The following SHISA6 variants were observed in gnomAD, a reference collection of about 807,000 sequenced individuals.
SHISA6 encodes the protein protein shisa-6.
In SHISA6, 22 loss-of-function variants were observed where a neutral mutation model predicts 47.9. The ratio of observed to expected loss-of-function variants is 0.46; its 90% CI spans 0.33 to 0.66. The LOEUF (loss-of-function observed/expected upper bound fraction) is 0.66, where lower values mean the gene tolerates loss of function less well. Ranked by LOEUF, SHISA6 falls within the 30% of genes least tolerant of loss-of-function variation. The pLI is 0.02. For missense variants in SHISA6, 680 were observed against 764.6 expected (o/e 0.89, Z 1.30); for synonymous variants, 388 against 337.8 (o/e 1.15, Z -1.63).
chr17:11,347,841 CAG>C (rs1475330695), intron 2 of SHISA6, among the ~76,000 whole-genome samples: 1 of 152,148 alleles, frequency 6.6e-6, no homozygotes, highest in East Asian at 1.9e-4. Flanking sequence ...TGAGGTCACT[CAG>C]AGCTGCATCT....
chr17:11,523,963 C>G (rs1292259899), intron 3 of SHISA6, among the ~76,000 whole-genome samples: 1 of 150,744 alleles, frequency 6.6e-6, no homozygotes, highest in Admixed American at 6.6e-5. Flanking sequence ...CCGAGAAACA[C>G]GCCATTGCAC....
At chr17:11,326,541 C>T (rs911149759) in intron 2 of SHISA6, among the ~76,000 whole-genome samples, 7 of 152,276 alleles carry the variant, frequency 4.6e-5, no homozygotes, top group Admixed American at 4.6e-4. Context: ...GGGCCAAGCT[C>T]ATTTACTCAA....
intron 3 of SHISA6, among the ~76,000 whole-genome samples, chr17:11,425,249 C>CT (rs1279331127): frequency 6.6e-6 from 1 of 151,380 alleles, no homozygotes; most frequent in East Asian, 2.0e-4. Flanking sequence ...GGAAACAAAC[C>CT]AGAAAGGTTT....
At chr17:11,520,781 T>C (rs2071623145) in intron 3 of SHISA6, among the ~76,000 whole-genome samples, 1 of 152,178 alleles carries the variant, frequency 6.6e-6, no homozygotes, top group African/African-American at 2.4e-5. Flanking sequence ...CAGAGAAAAC[T>C]ACCTCGATCA....
At chr17:11,415,351 G>A (rs939038517) in intron 3 of SHISA6, among the ~76,000 whole-genome samples, 4 of 152,088 alleles carry the variant, frequency 2.6e-5, no homozygotes, top group Non-Finnish European at 4.4e-5. Flanking sequence ...TCAAACCCCT[G>A]CTTCTGACCA....
chr17:11,270,970 A>G (rs1908622609), intron 2 of SHISA6, among the ~76,000 whole-genome samples: 1 of 152,136 alleles, frequency 6.6e-6, no homozygotes, highest in Admixed American at 6.5e-5. Flanking sequence ...TAGCTGGTTG[A>G]ACCAGGGTTC....
At chr17:11,242,236 T>A (rs910636855) in intron 1 of SHISA6, among the ~76,000 whole-genome samples, 176 bp downstream of exon 1, 1 of 152,170 alleles carries the variant, frequency 6.6e-6, no homozygotes, top group African/African-American at 2.4e-5. Flanking sequence ...CCTCCTCCAT[T>A]TCTTCAGAAC....
At chr17:11,273,443 T>G (rs1353639598) in intron 2 of SHISA6, among the ~76,000 whole-genome samples, 1 of 152,228 alleles carries the variant, frequency 6.6e-6, no homozygotes, top group African/African-American at 2.4e-5. Flanking sequence ...TGTGAGCCCC[T>G]CTGCTCCAGG....
intron 3 of SHISA6, among the ~76,000 whole-genome samples, chr17:11,437,093 G>C (rs1230200021): frequency 9.2e-5 from 14 of 152,216 alleles, no homozygotes. Flanking sequence ...GGAGATGCAA[G>C]AGTGAGAAGG....
chr17:11,308,725 T>C (rs192788002), intron 2 of SHISA6, among the ~76,000 whole-genome samples: 2 of 152,332 alleles, frequency 1.3e-5, no homozygotes, highest in Non-Finnish European at 2.9e-5. Context: ...ATACTTGAGT[T>C]CTGTTGGGTA....
At chr17:11,261,167 C>T (rs990265637) in intron 1 of SHISA6, among the ~76,000 whole-genome samples, 3 of 152,076 alleles carry the variant, frequency 2.0e-5, no homozygotes, top group Admixed American at 2.0e-4. Flanking sequence ...GGGACTCACT[C>T]TTAAGGCCAC....
In SHISA6 at chr17:11,550,123, C is replaced by T. The variant is rs148841162; in HGVS notation, c.896-1773C>T. On this transcript the variant is annotated intron_variant, in intron 3 of 5. Coordinates refer to ENST00000441885, the MANE Select transcript of SHISA6 (RefSeq NM_207386.4). Reference sequence around the variant, plus strand: ...AGGCTGGAGTGCAGTGGCGCGATCTCGGCTCACTGCAACCTCTGCCTCCCA... The same window carrying T: ...AGGCTGGAGTGCAGTGGCGCGATCTTGGCTCACTGCAACCTCTGCCTCCCA... 1.3e-3 allele frequency among the ~76,000 whole-genome samples: 201 copies of T among 151,970 alleles called. 1 individual carries two copies. The highest frequency in any genetic ancestry group is 2.0e-3 in the Non-Finnish European group (137 of 67,966).
chr17:11,340,008 T>C (rs1452289838), intron 2 of SHISA6, among the ~76,000 whole-genome samples: 1 of 152,188 alleles, frequency 6.6e-6, no homozygotes, highest in Non-Finnish European at 1.5e-5. Context: ...TAAAAGCTAA[T>C]TACCATTGTG....
At chr17:11,514,578 A>G (rs961165541) in intron 3 of SHISA6, among the ~76,000 whole-genome samples, 3 of 152,186 alleles carry the variant, frequency 2.0e-5, no homozygotes, top group Admixed American at 1.3e-4. Flanking sequence ...ATGGTTCCAT[A>G]TGACCTCAGC....
intron 2 of SHISA6, among the ~76,000 whole-genome samples, chr17:11,338,952 A>C (rs1263660361): frequency 6.6e-6 from 1 of 152,226 alleles, no homozygotes; most frequent in African/African-American, 2.4e-5. Context: ...ATAAAATTGC[A>C]AACATTCTTA....
intron 3 of SHISA6, among the ~76,000 whole-genome samples, chr17:11,538,086 A>G (rs1467398773): frequency 1.3e-5 from 2 of 152,098 alleles, no homozygotes; most frequent in African/African-American, 4.8e-5. Flanking sequence ...TTTGAGATGG[A>G]GTCTGGCTCT....
At chr17:11,293,957 C>T (rs1419493794) in intron 2 of SHISA6, among the ~76,000 whole-genome samples, 1 of 152,176 alleles carries the variant, frequency 6.6e-6, no homozygotes, top group African/African-American at 2.4e-5. Context: ...ACAATCTCGG[C>T]TCACTGCAAC....
At chr17:11,357,754 T>C (rs1013301533) in intron 2 of SHISA6, among the ~76,000 whole-genome samples, 1 of 152,236 alleles carries the variant, frequency 6.6e-6, no homozygotes, top group African/African-American at 2.4e-5. Flanking sequence ...TACTGGATGA[T>C]AATCGCTGCA....
chr17:11,485,957 T>C (rs1249799402), intron 3 of SHISA6, among the ~76,000 whole-genome samples: 9 of 152,324 alleles, frequency 5.9e-5, no homozygotes. Flanking sequence ...TCCTAATTTA[T>C]GATCTTGTTA....
Sources: allele counts gnomAD v4.1 joint callset (sites outside exome capture counted in the v4.1 genomes callset), GRCh38; gene constraint gnomAD v4.1.1; transcripts MANE v1.5; gene names NCBI Gene and HGNC (gene_info 2026-07-23, HGNC 2026-07-21).